STPG2: variants seen among roughly 807,000 people sequenced by gnomAD.
STPG2 encodes sperm-tail PG-rich repeat-containing protein 2.
STPG2 carries 56 observed loss-of-function variants against 54.2 expected under a neutral mutation model. The observed-to-expected ratio is 1.03, with a 90% CI of 0.83 to 1.29. The LOEUF (loss-of-function observed/expected upper bound fraction) is 1.29. STPG2 is among the 50% of genes most tolerant of loss of function. STPG2 has a pLI of 0.00. For missense variants in STPG2, 596 were observed against 544.9 expected, an observed-to-expected ratio of 1.09 and a Z score of -0.93; for synonymous variants, 200 against 181.8, an observed-to-expected ratio of 1.10 and a Z score of -0.81.
At chr4:97,643,407 C>T (rs1721818595) in intron 10 of STPG2, among the ~76,000 whole-genome samples, 1 of 151,634 alleles carries the variant, frequency 6.6e-6, no homozygotes, top group Admixed American at 6.6e-5. Context: ...TAGCAGTTTC[C>T]TGATGCATAT....
rs115140813 is a variant in STPG2 at position 97,455,347 on chromosome 4, C to T, written c.462+257352G>A. ...AAATGTTGCATTTCCCGAGACCACC[C>T]TGGCCCACCATGCCTCCAACCTGTG... On this transcript the variant is annotated intron_variant, in intron 4 of 4. Transcript: ENST00000522676. 1.8e-3 allele frequency among the ~76,000 whole-genome samples: 278 copies of T among 152,258 alleles called. 1 individual carries two copies. The highest frequency in any genetic ancestry group is 6.4e-3 in the African/African-American group (265 of 41,560).
intron 10 of STPG2, among the ~76,000 whole-genome samples, chr4:97,705,603 G>A (rs1481415876): frequency 1.3e-5 from 2 of 152,022 alleles, no homozygotes; most frequent in Non-Finnish European, 2.9e-5. Flanking sequence ...TAGGATTACA[G>A]GTGTGAGCCA....
chr4:97,646,314 A>G (rs747878948), intron 10 of STPG2, among the ~76,000 whole-genome samples: 7 of 152,164 alleles, frequency 4.6e-5, no homozygotes, highest in Non-Finnish European at 7.4e-5. Context: ...TTGTATATCA[A>G]TGTAGTTGCA....
At chr4:97,787,756 C>T (rs1244446834) in intron 9 of STPG2, among the ~76,000 whole-genome samples, 1 of 151,608 alleles carries the variant, frequency 6.6e-6, no homozygotes, top group Admixed American at 6.6e-5. Context: ...ATGAAGAATT[C>T]AATTTATTTG....
chr4:97,783,925 G>A (rs1019056428), intron 9 of STPG2, among the ~76,000 whole-genome samples: 1 of 152,006 alleles, frequency 6.6e-6, no homozygotes, highest in Non-Finnish European at 1.5e-5. Flanking sequence ...TCATGGGGTG[G>A]GGGGAGAGGG....
chr4:97,926,021 C>CTTATACAA (rs1269489828), intron 8 of STPG2, among the ~76,000 whole-genome samples: 4 of 152,226 alleles, frequency 2.6e-5, no homozygotes, highest in African/African-American at 7.2e-5. Context: ...TCCATAATTC[C>CTTATACAA]TTATACAATT....
chr4:98,040,115 A>G (rs1736902767), intron 5 of STPG2, among the ~76,000 whole-genome samples: 1 of 151,830 alleles, frequency 6.6e-6, no homozygotes, highest in Non-Finnish European at 1.5e-5. Context: ...GGCCACTTGT[A>G]TATCTTCTTT....
chr4:97,906,485 A>G (rs1412157880), intron 8 of STPG2, among the ~76,000 whole-genome samples: 1 of 152,230 alleles, frequency 6.6e-6, no homozygotes, highest in East Asian at 1.9e-4. Context: ...CTATCAATAG[A>G]AAAAGAGAGA....
intron 4 of STPG2, among the ~76,000 whole-genome samples, chr4:97,516,407 G>A (rs996527081): frequency 7.2e-5 from 11 of 152,098 alleles, no homozygotes; most frequent in African/African-American, 2.4e-4. Flanking sequence ...CTACATTGTC[G>A]CTTGTTCTTT....
chr4:97,496,930 T>C (rs1411098086), intron 4 of STPG2, among the ~76,000 whole-genome samples: 2 of 151,540 alleles, frequency 1.3e-5, no homozygotes, highest in African/African-American at 4.8e-5. Context: ...GAAAATAATA[T>C]CCATATTAAA....
intron 7 of STPG2, among the ~76,000 whole-genome samples, chr4:97,957,490 C>T (rs1391171947): frequency 6.6e-6 from 1 of 151,952 alleles, no homozygotes; most frequent in Admixed American, 6.6e-5. Flanking sequence ...GTTTGGAAAA[C>T]ATACTTGGGG....
intron 7 of STPG2, among the ~76,000 whole-genome samples, chr4:97,949,415 G>A (rs1387672546): frequency 4.6e-5 from 7 of 151,930 alleles, no homozygotes; most frequent in South Asian, 2.1e-4. Context: ...CGCCATTTAC[G>A]TTCAACATAA....
At chr4:98,131,172 C>T (rs1421053639) in intron 2 of STPG2, among the ~76,000 whole-genome samples, 1 of 152,004 alleles carries the variant, frequency 6.6e-6, no homozygotes, top group African/African-American at 2.4e-5. Flanking sequence ...TTTAACTACT[C>T]GGTGAATCCT....
intron 5 of STPG2, among the ~76,000 whole-genome samples, chr4:98,048,366 T>C (rs1737207136): frequency 6.6e-6 from 1 of 152,246 alleles, no homozygotes; most frequent in Non-Finnish European, 1.5e-5. Flanking sequence ...ACTAATCCTA[T>C]CTGAAGAACA....
At chr4:97,803,739 C>A (rs993884477) in intron 9 of STPG2, among the ~76,000 whole-genome samples, 1 of 152,126 alleles carries the variant, frequency 6.6e-6, no homozygotes, top group African/African-American at 2.4e-5. Context: ...CAGGGTTTCA[C>A]CATGTTGACC....
At chr4:98,018,032 A>G (rs1348468486) in intron 5 of STPG2, among the ~76,000 whole-genome samples, 1 of 151,476 alleles carries the variant, frequency 6.6e-6, no homozygotes, top group Non-Finnish European at 1.5e-5. Context: ...TTTTATTATT[A>G]TTATACTTTA....
At chr4:98,007,052 T>A (rs971342097) in intron 5 of STPG2, among the ~76,000 whole-genome samples, 2 of 152,188 alleles carry the variant, frequency 1.3e-5, no homozygotes, top group African/African-American at 4.8e-5. Context: ...CTGGTCCAGC[T>A]CTGTACAGCT....
intron 9 of STPG2, among the ~76,000 whole-genome samples, chr4:97,800,367 A>T (rs961297748): frequency 3.3e-5 from 5 of 152,050 alleles, no homozygotes; most frequent in Admixed American, 1.3e-4. Context: ...TTTGGTGTGG[A>T]CATCCTTTCT....
At chr4:97,922,002 G>A (rs976921664) in intron 8 of STPG2, among the ~76,000 whole-genome samples, 2 of 152,134 alleles carry the variant, frequency 1.3e-5, no homozygotes, top group Non-Finnish European at 1.5e-5. Flanking sequence ...GTAGAATGGT[G>A]GTTTCCAGGA....
Sources: gnomAD v4.1 joint callset for allele counts (sites outside exome capture counted in the v4.1 genomes callset) on GRCh38, gnomAD v4.1.1 for gene constraint, MANE v1.5 for transcripts, NCBI Gene and HGNC (gene_info 2026-07-23, HGNC 2026-07-21) for gene names.